CSMD3: variants seen among roughly 807,000 people sequenced by gnomAD.
CSMD3 encodes the protein CUB and Sushi multiple domains 3.
A neutral mutation model predicts 435.2 loss-of-function variants in CSMD3; 177 were observed. That is an observed-to-expected ratio of 0.41 (90% confidence interval 0.36 to 0.46). The LOEUF is 0.46. Ranked by LOEUF, CSMD3 falls within the 20% of genes least tolerant of loss-of-function variation. CSMD3 has a pLI of 0.34. For missense variants in CSMD3, 4,265 were observed against 4,504.6 expected (o/e 0.95, Z 1.52); for synonymous variants, 1,656 against 1,520.5 (o/e 1.09, Z -2.07).
intron 19 of CSMD3, 24 bp from the exon 20 acceptor site, chr8:112,645,249 A>C (rs1365713227): frequency 8.2e-7 from 1 of 1,218,624 alleles, no homozygotes; most frequent in Admixed American, 1.7e-5. Context: ...AAACAGATCC[A>C]TGTGATCAGC....
rs529409062 is a variant in CSMD3 at position 112,807,189 on chromosome 8, G to A, written c.1860-6915C>T. Among the ~76,000 whole-genome samples, 4 of 152,270 alleles carry A rather than the reference G, an allele frequency of 2.6e-5. No homozygotes were observed. In the East Asian group the frequency reaches 5.8e-4, roughly 22 times the overall value. On this transcript the variant is annotated intron_variant, in intron 12 of 70. Coordinates refer to ENST00000297405, the MANE Select transcript of CSMD3 (RefSeq NM_198123.2). ...GGAGAGCCAGCTGGAGGACCCTTGTGACTCTGCCGTCTCCCTAGTGCTTAA... is the reference window on the plus strand; with the variant it reads ...GGAGAGCCAGCTGGAGGACCCTTGTAACTCTGCCGTCTCCCTAGTGCTTAA...
intron 5 of CSMD3, among the ~76,000 whole-genome samples, chr8:113,076,249 G>A (rs1266480443): frequency 2.6e-5 from 4 of 151,286 alleles, no homozygotes; most frequent in Non-Finnish European, 4.4e-5. Context: ...AATTTGCATA[G>A]ACACAATTAT....
At chr8:113,145,345 T>A (rs759125872) in intron 4 of CSMD3, among the ~76,000 whole-genome samples, 3 of 151,632 alleles carry the variant, frequency 2.0e-5, no homozygotes, top group Non-Finnish European at 4.4e-5. Context: ...GATAATTTTA[T>A]CACAAGTGTT....
chr8:112,605,940 A>C (rs891605920), intron 22 of CSMD3, among the ~76,000 whole-genome samples: 24 of 152,170 alleles, frequency 1.6e-4, no homozygotes, highest in Non-Finnish European at 2.5e-4. Context: ...TTAGGCCTTT[A>C]AAGCAGAGAT....
chr8:112,279,876 G>C (rs1440552660), intron 59 of CSMD3, among the ~76,000 whole-genome samples: 16 of 152,094 alleles, frequency 1.1e-4, no homozygotes, highest in Non-Finnish European at 2.9e-5. Context: ...AGCATAGTTT[G>C]TTTTCACTTT....
intron 1 of CSMD3, among the ~76,000 whole-genome samples, chr8:113,319,977 T>G (rs2093938116): frequency 6.6e-6 from 1 of 152,062 alleles, no homozygotes; most frequent in Admixed American, 6.6e-5. Context: ...ACATATTTCA[T>G]GCCTTACAGG....
At chr8:112,926,681 A>T (rs2082922007) in intron 9 of CSMD3, among the ~76,000 whole-genome samples, 1 of 152,126 alleles carries the variant, frequency 6.6e-6, no homozygotes, top group Admixed American at 6.6e-5. Context: ...GTGTTGGCCC[A>T]AGATAGTGAA....
At chr8:112,665,388 C>T (rs940390412) in intron 17 of CSMD3, among the ~76,000 whole-genome samples, 10 of 152,082 alleles carry the variant, frequency 6.6e-5, no homozygotes, top group African/African-American at 2.2e-4. Context: ...AATACTCTAC[C>T]TCTGTTCAAA....
intron 5 of CSMD3, among the ~76,000 whole-genome samples, chr8:113,095,596 A>G (rs569425987): frequency 6.6e-6 from 1 of 152,312 alleles, no homozygotes; most frequent in Admixed American, 6.5e-5. Flanking sequence ...AGGAAAATTT[A>G]TAAAGTCAAT....
At chr8:112,695,969 C>T (rs1001919097) in intron 13 of CSMD3, among the ~76,000 whole-genome samples, 1 of 152,104 alleles carries the variant, frequency 6.6e-6, no homozygotes, top group African/African-American at 2.4e-5. Context: ...GAGTGAACTC[C>T]CATTCACAAT....
At chr8:112,464,320 T>C (rs994485572) in intron 32 of CSMD3, among the ~76,000 whole-genome samples, 6 of 152,004 alleles carry the variant, frequency 3.9e-5, no homozygotes, top group Admixed American at 1.3e-4. Flanking sequence ...CCTCAGGCTT[T>C]AGAGGAAAAC....
rs2130932103 is a variant in CSMD3 at position 112,975,888 on chromosome 8, G to A, written c.1291C>T (p.His431Tyr). 1 of 1,613,896 alleles carries A rather than the reference G, an allele frequency of 6.2e-7. No individual in the cohort carries two copies. The highest frequency in any genetic ancestry group is 1.1e-5 in the South Asian group (1 of 91,090). ...TTAGTTCTTTCTATCTGTTCAGCAT[G>A]TCTTGGTCTTCTCCTGGTACTTTGT... ...DTQSTRRRPRHAEQIERTKEL... is the reference protein window; with the variant it reads ...DTQSTRRRPRYAEQIERTKEL... Residue 431 changes from histidine (H) to tyrosine (Y), a missense_variant, in exon 7 of 71, where the codon CAT (histidine) becomes TAT (tyrosine). His to Tyr is a moderately conservative substitution (Grantham distance 83). This residue lies in a region of CSMD3 where 731 missense variants were observed against 755.4 expected (regional missense o/e 0.97). Transcript: ENST00000297405.
At chr8:112,692,764 T>C (rs1206283272) in intron 13 of CSMD3, among the ~76,000 whole-genome samples, 2 of 152,174 alleles carry the variant, frequency 1.3e-5, no homozygotes, top group Non-Finnish European at 2.9e-5. Flanking sequence ...GGTCCAAAAA[T>C]AGGTAAGTAT....
intron 1 of CSMD3, among the ~76,000 whole-genome samples, chr8:113,354,645 T>C (rs535207606): frequency 2.0e-5 from 3 of 152,304 alleles, no homozygotes; most frequent in East Asian, 1.9e-4. Flanking sequence ...TTTGTTTTTG[T>C]TTGTTTTTTC....
At chr8:112,529,419 C>T (rs1297401820) in intron 27 of CSMD3, among the ~76,000 whole-genome samples, 1 of 152,058 alleles carries the variant, frequency 6.6e-6, no homozygotes. Flanking sequence ...AAAACCACAA[C>T]CCTACAAAAA....
At chr8:112,542,203 T>C (rs1213138961) in intron 27 of CSMD3, among the ~76,000 whole-genome samples, 2 of 135,864 alleles carry the variant, frequency 1.5e-5, no homozygotes, top group African/African-American at 2.7e-5. Flanking sequence ...CATCATACTG[T>C]CTGGAAAAAA....
intron 12 of CSMD3, among the ~76,000 whole-genome samples, chr8:112,828,950 T>C (rs2079780504): frequency 1.3e-5 from 2 of 152,044 alleles, no homozygotes; most frequent in African/African-American, 4.8e-5. Context: ...GTTTAACCCT[T>C]GGTTTATTAC....
Position 112,234,476 on chromosome 8 carries a change from C to T in CSMD3, c.10629G>A (p.Gly3543=), listed in dbSNP as rs776062903. ...GGCGAGCTTCCTGGCTTTTATATAC[C>T]CCTGTAAAATGCAAGGACATTTTAG... The part of the protein sequence containing the change: ...SNSNMELLLS[G]VYKSQEARLM... Residue 3543 remains glycine, a splice_region_variant and synonymous_variant, in exon 68 of 71, where the codon GGG becomes GGA. Coordinates refer to ENST00000297405, the MANE Select transcript of CSMD3 (RefSeq NM_198123.2). The T allele has an allele frequency of 1.3e-6, 2 of 1,570,012 alleles. No individual in the cohort carries two copies. Among genetic ancestry groups the T allele is most frequent in the Non-Finnish European group, 1.8e-6 (2 of 1,140,528 alleles).
intron 5 of CSMD3, among the ~76,000 whole-genome samples, chr8:113,039,535 C>T (rs2087511072): frequency 6.6e-6 from 1 of 152,064 alleles, no homozygotes; most frequent in Admixed American, 6.6e-5. Flanking sequence ...ATGGGATTGT[C>T]CCCTCCAGGA....
Sources: gnomAD v4.1 joint callset for allele counts (sites outside exome capture counted in the v4.1 genomes callset) on GRCh38, gnomAD v4.1.1 for gene constraint, gnomAD v4.1.1 regional missense constraint, MANE v1.5 for transcripts, NCBI Gene and HGNC (gene_info 2026-07-23, HGNC 2026-07-21) for gene names.